Variants in PPP1R1C observed in about 807,000 individuals in gnomAD.
The protein encoded by PPP1R1C is protein phosphatase 1 regulatory inhibitor subunit 1C, also known as protein phosphatase 1 regulatory subunit 1C.
Under a neutral mutation model 17.4 loss-of-function variants are expected in PPP1R1C, and 15 were observed. That is an observed-to-expected ratio of 0.86 (90% CI 0.58 to 1.33). PPP1R1C has a LOEUF of 1.33. Among genes scored for constraint, PPP1R1C ranks in the 40% most tolerant of loss-of-function variants. The pLI is 0.00. For synonymous variants in PPP1R1C, 35 were observed against 43.1 expected, an observed-to-expected ratio of 0.81 and a Z score of 0.73; for missense variants, 143 against 130.0, an observed-to-expected ratio of 1.10 and a Z score of -0.48.
In PPP1R1C at chr2:181,962,331, G is replaced by T; in HGVS notation, n.111+7697G>T. On this transcript the variant is annotated intron_variant and non_coding_transcript_variant, in intron 1 of 5. Transcript: ENST00000464264. The surrounding 1 kb of genome is among the most constrained non-coding windows in gnomAD (Gnocchi z 6.0). ...ATGCCACCCCGGAAGCTGGTGGAGC[G>T]GGACACGGATATCCGGGAACCAGAG... 1.1e-6 allele frequency: 1 copy of T among 933,106 alleles called. No individual in the cohort carries two copies. Among genetic ancestry groups the T allele is most frequent in the Non-Finnish European group, 1.7e-6 (1 of 593,260 alleles). The allele number at this position is 933,106 out of a possible 1,614,324, so 57.8% of individuals were successfully genotyped here.
intron 2 of PPP1R1C, among the ~76,000 whole-genome samples, chr2:182,013,994 G>T (rs1391547248): frequency 6.6e-6 from 1 of 152,114 alleles, no homozygotes; most frequent in East Asian, 1.9e-4. Flanking sequence ...TGAATTCTCT[G>T]TCTAAAAGTT....
intron 1 of PPP1R1C, among the ~76,000 whole-genome samples, chr2:181,973,793 G>A (rs553014419): frequency 5.0e-4 from 76 of 152,250 alleles, no homozygotes; most frequent in African/African-American, 1.6e-3. Context: ...AATACAGCAT[G>A]TAATGTATGG....
At chr2:182,116,857 T>C (rs1689599363) in intron 4 of PPP1R1C, among the ~76,000 whole-genome samples, 1 of 152,164 alleles carries the variant, frequency 6.6e-6, no homozygotes, top group African/African-American at 2.4e-5. Flanking sequence ...TGTAATAGAA[T>C]TGAGGGATGC....
intron 1 of PPP1R1C, among the ~76,000 whole-genome samples, chr2:181,969,501 G>A (rs1215936387): frequency 6.6e-6 from 1 of 151,934 alleles, no homozygotes; most frequent in Non-Finnish European, 1.5e-5. Context: ...GTTATTTGTT[G>A]TTTTCTTTTT....
At chr2:182,048,581 A>G (rs977000141) in intron 2 of PPP1R1C, among the ~76,000 whole-genome samples, 3 of 152,260 alleles carry the variant, frequency 2.0e-5, no homozygotes, top group African/African-American at 7.2e-5. Context: ...GCAAATATAC[A>G]TGCAAAATGA....
At chr2:181,977,138 A>AC (rs1685107342) in intron 2 of PPP1R1C, among the ~76,000 whole-genome samples, 1 of 102,362 alleles carries the variant, frequency 9.8e-6, no homozygotes, top group Non-Finnish European at 1.9e-5. Flanking sequence ...TATCTAAAAA[A>AC]AAAAAAAAAA....
Position 181,961,924 on chromosome 2 carries a change from GAGCCCATGGAT to G in PPP1R1C, n.111+7291_111+7301del, listed in dbSNP as rs1684805399. 1.3e-6 allele frequency: 1 copy of G among 744,974 alleles called. No homozygotes were observed. Among genetic ancestry groups the G allele is most frequent in the Non-Finnish European group, 2.5e-6 (1 of 406,328 alleles). 46.1% of individuals were successfully genotyped at this position (744,974 alleles called of 1,614,324 possible). A position where few individuals can be genotyped will look rare whatever the true frequency, so the allele number is the denominator to read the frequency against. On this transcript the variant is annotated intron_variant and non_coding_transcript_variant, in intron 1 of 5. Transcript: ENST00000464264. This position sits in a 1 kb window ranked among gnomAD's most constrained non-coding sequence, Gnocchi z 5.8. The stretch of plus-strand genomic sequence containing the variant: ...GACATTGGTCATCAGTGACCTTGTG[GAGCCCATGGAT>G]GTCACTCCCCACAGACGGGTGCATG...
intron 2 of PPP1R1C, among the ~76,000 whole-genome samples, chr2:182,059,648 A>T (rs1687792293): frequency 1.3e-5 from 2 of 152,124 alleles, no homozygotes; most frequent in South Asian, 4.1e-4. Flanking sequence ...TCAAGACAAG[A>T]ATATAAGACT....
chr2:182,113,807 G>A (rs1689506908), intron 4 of PPP1R1C, among the ~76,000 whole-genome samples: 1 of 151,540 alleles, frequency 6.6e-6, no homozygotes, highest in African/African-American at 2.4e-5. Flanking sequence ...TACAAATTTT[G>A]TGTTATCTAC....
At chr2:182,063,653 T>A in intron 3 of PPP1R1C, 78 bp from the exon 4 acceptor site, 1 of 1,081,726 alleles carries the variant, frequency 9.2e-7, no homozygotes, top group Non-Finnish European at 1.4e-6. Flanking sequence ...GGCACAGTAT[T>A]TATTTCCCTC....
chr2:182,075,197 T>C (rs1688257271), intron 4 of PPP1R1C, among the ~76,000 whole-genome samples: 1 of 152,248 alleles, frequency 6.6e-6, no homozygotes, highest in Admixed American at 6.5e-5. Flanking sequence ...TTTATTCTTT[T>C]TTATGTATAA....
At chr2:182,121,500 A>T (rs532558886), downstream of PPP1R1C, among the ~76,000 whole-genome samples, 527 of 151,750 alleles carry the variant, frequency 3.5e-3, 1 homozygote, top group African/African-American at 0.012. Context: ...TTATTTATTT[A>T]TTTTTTGAGA....
intron 3 of PPP1R1C, among the ~76,000 whole-genome samples, chr2:182,062,201 GT>G (rs1255877405): frequency 2.6e-5 from 4 of 152,068 alleles, no homozygotes; most frequent in Non-Finnish European, 5.9e-5. Flanking sequence ...AGAGAAAAAT[GT>G]AGAATGGACA....
chr2:181,989,687 T>C (rs1685403719), intron 2 of PPP1R1C, among the ~76,000 whole-genome samples: 1 of 152,222 alleles, frequency 6.6e-6, no homozygotes, highest in Admixed American at 6.5e-5. Context: ...AATTACTAGA[T>C]GGCATTGTCC....
At chr2:182,120,373 T>G (rs1042366708), downstream of PPP1R1C, among the ~76,000 whole-genome samples, 8 of 152,090 alleles carry the variant, frequency 5.3e-5, no homozygotes, top group African/African-American at 1.9e-4. Flanking sequence ...CAGGAGCTGG[T>G]TTTTTGAAAA....
At chr2:182,099,849 G>C (rs567633057) in intron 4 of PPP1R1C, among the ~76,000 whole-genome samples, 12 of 152,278 alleles carry the variant, frequency 7.9e-5, no homozygotes, top group Middle Eastern at 3.4e-3. Flanking sequence ...TTAGGGCTTT[G>C]TAGTATTAAT....
chr2:181,989,633 G>C (rs1685401349), intron 2 of PPP1R1C, among the ~76,000 whole-genome samples: 1 of 152,098 alleles, frequency 6.6e-6, no homozygotes, highest in African/African-American at 2.4e-5. Flanking sequence ...CTGGGAATAA[G>C]ATTCAGTTTT....
intron 2 of PPP1R1C, among the ~76,000 whole-genome samples, chr2:182,028,132 A>G (rs543030959): frequency 2.9e-5 from 4 of 137,716 alleles, no homozygotes; most frequent in East Asian, 4.1e-4. Flanking sequence ...CTAGCGGTCT[A>G]TCAATTTTGT....
chr2:182,055,279 C>G (rs1160522429), intron 2 of PPP1R1C, among the ~76,000 whole-genome samples: 2 of 152,134 alleles, frequency 1.3e-5, no homozygotes, highest in East Asian at 1.9e-4. Flanking sequence ...CCCTCTAAGT[C>G]TCTTTACCAT....
Sources: gnomAD v4.1 joint callset for allele counts (sites outside exome capture counted in the v4.1 genomes callset) on GRCh38, gnomAD v4.1.1 for gene constraint, Gnocchi (gnomAD v3.1) non-coding constraint, MANE v1.5 for transcripts, NCBI Gene and HGNC (gene_info 2026-07-23, HGNC 2026-07-21) for gene names.